Variants in CPNE4 observed in about 807,000 individuals in gnomAD.
The protein encoded by CPNE4 is copine 4, also known as copine-4.
In CPNE4, 25 loss-of-function variants were observed where a neutral mutation model predicts 67.9. The observed-to-expected ratio is 0.37, with a 90% CI of 0.27 to 0.51. The LOEUF (loss-of-function observed/expected upper bound fraction) is 0.51. Ranked by LOEUF, CPNE4 falls within the 20% of genes least tolerant of loss-of-function variation. The pLI is 0.93. For missense variants in CPNE4, 464 were observed against 690.8 expected (o/e 0.67, Z 3.68); for synonymous variants, 242 against 244.9 (o/e 0.99, Z 0.11).
chr3:131,907,475 T>A (rs2088815870), intron 1 of CPNE4, among the ~76,000 whole-genome samples: 1 of 148,322 alleles, frequency 6.7e-6, no homozygotes, highest in African/African-American at 2.5e-5. Context: ...GGATGATGGC[T>A]ATGCCTCAGC....
At chr3:132,001,599 G>T (rs984401137) in intron 1 of CPNE4, among the ~76,000 whole-genome samples, 1 of 149,468 alleles carries the variant, frequency 6.7e-6, no homozygotes, top group African/African-American at 2.5e-5. Context: ...AAGAAAGAAA[G>T]AAAGAAAGAA....
At chr3:131,917,166 A>G (rs1304006069) in intron 1 of CPNE4, among the ~76,000 whole-genome samples, 1 of 152,200 alleles carries the variant, frequency 6.6e-6, no homozygotes. Flanking sequence ...ACAATATTGG[A>G]GCAAAGCTCT....
At chr3:131,589,557 CAT>C (rs1429356748) in intron 7 of CPNE4, among the ~76,000 whole-genome samples, 2 of 152,208 alleles carry the variant, frequency 1.3e-5, no homozygotes, top group East Asian at 3.9e-4. Context: ...CCCTCAGAGA[CAT>C]ACCCAGAAAC....
chr3:131,929,381 T>C (rs1227087024), intron 1 of CPNE4, among the ~76,000 whole-genome samples: 1 of 152,144 alleles, frequency 6.6e-6, no homozygotes, highest in Non-Finnish European at 1.5e-5. Context: ...TTGAATGATC[T>C]TTGGTACATC....
At chr3:131,979,079 T>A (rs561956702) in intron 1 of CPNE4, among the ~76,000 whole-genome samples, 6 of 152,256 alleles carry the variant, frequency 3.9e-5, no homozygotes, top group East Asian at 1.9e-4. Flanking sequence ...TCAATTTTTT[T>A]AATTTATTGA....
intron 7 of CPNE4, among the ~76,000 whole-genome samples, chr3:131,589,476 G>C (rs1938400034): frequency 6.6e-6 from 1 of 152,128 alleles, no homozygotes; most frequent in African/African-American, 2.4e-5. Flanking sequence ...ATTGGATAGT[G>C]CCCACCCATG....
At chr3:131,812,902 AAAG>A (rs2084592493) in intron 2 of CPNE4, among the ~76,000 whole-genome samples, 1 of 152,206 alleles carries the variant, frequency 6.6e-6, no homozygotes, top group African/African-American at 2.4e-5. Flanking sequence ...GGAATAAAGG[AAAG>A]AATAACATTT....
intron 7 of CPNE4, among the ~76,000 whole-genome samples, chr3:131,592,690 A>C (rs1210994114): frequency 6.6e-6 from 1 of 151,970 alleles, no homozygotes; most frequent in Admixed American, 6.6e-5. Context: ...CTACCTCTTA[A>C]TAGAAGCAGG....
At chr3:131,864,171 C>A (rs199700681) in intron 2 of CPNE4, among the ~76,000 whole-genome samples, 7,107 of 144,452 alleles carry the variant, frequency 0.049, 263 homozygotes, top group East Asian at 0.11. Flanking sequence ...TTGGCTTAGG[C>A]TTGACTTGGC....
In CPNE4 at chr3:131,555,664, A is replaced by T. The variant is rs574940932; in HGVS notation, c.1062-113T>A. The stretch of plus-strand genomic sequence containing the variant: ...GGTTGCTAGGCCATGTTGCTATGCC[A>T]GTGCTGACTCATGCTTCTTGATTGT... On this transcript the variant is annotated intron_variant, in intron 11 of 15. Transcript: ENST00000429747. The T allele has an allele frequency of 1.3e-5, 11 of 821,016 alleles. No homozygotes were observed. The South Asian group carries it at 1.5e-4, about 12-fold the overall frequency. The allele number at this position is 821,016 out of a possible 1,614,324, so 50.9% of individuals were successfully genotyped here. A position where few individuals can be genotyped will look rare whatever the true frequency, so the allele number is the denominator to read the frequency against.
intron 7 of CPNE4, among the ~76,000 whole-genome samples, chr3:131,616,390 A>G (rs184239098): frequency 6.6e-6 from 1 of 152,306 alleles, no homozygotes; most frequent in Admixed American, 6.5e-5. Flanking sequence ...CTATTTAATA[A>G]GGACTGTGAG....
intron 7 of CPNE4, among the ~76,000 whole-genome samples, chr3:131,617,328 T>C (rs951893555): frequency 6.6e-6 from 1 of 152,218 alleles, no homozygotes; most frequent in Non-Finnish European, 1.5e-5. Context: ...AAATTCATCT[T>C]ACTGACTTAT....
At chr3:131,613,224 G>A (rs1939949374) in intron 7 of CPNE4, among the ~76,000 whole-genome samples, 1 of 152,174 alleles carries the variant, frequency 6.6e-6, no homozygotes, top group Admixed American at 6.5e-5. Flanking sequence ...TCTTACCAGA[G>A]GTTCTTCCTC....
At chr3:131,998,366 A>G (rs1170249864) in intron 1 of CPNE4, among the ~76,000 whole-genome samples, 1 of 152,134 alleles carries the variant, frequency 6.6e-6, no homozygotes, top group Non-Finnish European at 1.5e-5. Flanking sequence ...GACTACCAGA[A>G]AACTAATCTA....
chr3:131,579,733 G>A (rs1044506093), intron 9 of CPNE4, among the ~76,000 whole-genome samples: 5 of 152,118 alleles, frequency 3.3e-5, no homozygotes, highest in South Asian at 2.1e-4. Flanking sequence ...CAAGGGAACC[G>A]GAATTATAAG....
chr3:131,655,020 G>A (rs61165718), intron 7 of CPNE4, among the ~76,000 whole-genome samples: 2,173 of 152,242 alleles, frequency 0.014, 41 homozygotes, highest in African/African-American at 0.049. Flanking sequence ...TAATTGAATT[G>A]GAGTGCAGTG....
At position 131,535,303 on chromosome 3, in the gene CPNE4, G is replaced by A. The variant is rs760663500; in HGVS notation, c.1566C>T (p.Ser522=). Residue 522 remains serine, a synonymous_variant, in exon 16 of 16, where the codon AGC becomes AGT. Coordinates refer to ENST00000429747, the MANE Select transcript of CPNE4 (RefSeq NM_130808.3). ...CTTGGTTTGGGACTTCAGCCAGCAC[G>A]CTCTTTGCCAGGGCAGCTGGAGATG... is the stretch of plus-strand genomic sequence containing the variant. ...KHASPAALAK[S]VLAEVPNQVV... 7 of 1,613,352 alleles carry A rather than the reference G, an allele frequency of 4.3e-6. No individual in the cohort carries two copies. Among genetic ancestry groups the A allele is most frequent in the East Asian group, 4.5e-5 (2 of 44,870 alleles).
At chr3:131,861,167 C>T (rs778012338) in intron 2 of CPNE4, among the ~76,000 whole-genome samples, 4 of 152,118 alleles carry the variant, frequency 2.6e-5, no homozygotes, top group Non-Finnish European at 4.4e-5. Flanking sequence ...TTATTGAAGA[C>T]ATTGTTATAG....
chr3:131,637,079 C>T (rs2079408642), intron 7 of CPNE4, among the ~76,000 whole-genome samples: 2 of 152,148 alleles, frequency 1.3e-5, no homozygotes. Flanking sequence ...ACATAGTCTA[C>T]CCAAATGAGA....
Sources: allele counts gnomAD v4.1 joint callset (sites outside exome capture counted in the v4.1 genomes callset), GRCh38; gene constraint gnomAD v4.1.1; transcripts MANE v1.5; gene names NCBI Gene and HGNC (gene_info 2026-07-23, HGNC 2026-07-21).